The following FRAS1 variants were observed in gnomAD, a reference collection of about 807,000 sequenced individuals.
The protein encoded by FRAS1 is Fraser extracellular matrix complex subunit 1.
FRAS1 carries 290 observed loss-of-function variants against 435.2 expected under a neutral mutation model. The ratio of observed to expected loss-of-function variants is 0.67; its 90% CI spans 0.61 to 0.73. FRAS1 has a LOEUF of 0.73. Among genes scored for constraint, FRAS1 ranks in the 30% least tolerant of loss-of-function variants. The probability of loss-of-function intolerance (pLI) is 0.00; values close to 1 mark genes in which losing one functional copy is unlikely to be tolerated. For synonymous variants in FRAS1, 1,800 were observed against 1,851.0 expected, an observed-to-expected ratio of 0.97 and a Z score of 0.71; for missense variants, 4,860 against 5,001.5, an observed-to-expected ratio of 0.97 and a Z score of 0.85.
Position 78,337,734 on chromosome 4 carries a change from A to C in FRAS1, c.2339A>C (p.Tyr780Ser), listed in dbSNP as rs763371931. ...TTGGAGTCTGACTGCATCTCCTGTT[A>C]CCCTCACATCTCTCTTACCAATGGT... ...GPLESDCISCYPHISLTNGNC... is the reference protein window; with the variant it reads ...GPLESDCISCSPHISLTNGNC... Residue 780 changes from tyrosine to serine, a missense_variant, in exon 20 of 74, where the codon TAC becomes TCC. Coordinates refer to ENST00000512123, the MANE Select transcript of FRAS1 (RefSeq NM_025074.7). The C allele has an allele frequency of 1.5e-5, 25 of 1,613,658 alleles. No homozygotes were observed. In the East Asian group the frequency reaches 5.3e-4, roughly 35 times the overall value.
chr4:78,411,296 G>C (rs1733325492), intron 31 of FRAS1, among the ~76,000 whole-genome samples: 1 of 152,074 alleles, frequency 6.6e-6, no homozygotes, highest in Non-Finnish European at 1.5e-5. Context: ...ATTTTTAGTA[G>C]AGACAGGATT....
At chr4:78,144,122 G>A (rs1341830041) in intron 2 of FRAS1, among the ~76,000 whole-genome samples, 1 of 150,820 alleles carries the variant, frequency 6.6e-6, no homozygotes, top group Non-Finnish European at 1.5e-5. Context: ...TGACTAGAGG[G>A]ACATTTATAA....
intron 32 of FRAS1, among the ~76,000 whole-genome samples, chr4:78,417,017 C>A (rs984646868): frequency 6.6e-6 from 1 of 152,128 alleles, no homozygotes; most frequent in Non-Finnish European, 1.5e-5. Context: ...GTGTCTTTTG[C>A]AATGATTTCT....
intron 49 of FRAS1, 35 bp from the exon 50 acceptor site, chr4:78,466,173 C>A: frequency 6.3e-7 from 1 of 1,582,258 alleles, no homozygotes; most frequent in South Asian, 1.1e-5. Flanking sequence ...CTGTTATGAG[C>A]TTCCCTCCCC....
Position 78,522,710 on chromosome 4 carries a change from C to T in FRAS1, c.10710C>T (p.Asp3570=). 6.2e-7 allele frequency: 1 copy of T among 1,611,030 alleles called. No individual in the cohort carries two copies. Among genetic ancestry groups the T allele is most frequent in the African/African-American group, 1.3e-5 (1 of 74,950 alleles). The stretch of plus-strand genomic sequence containing the variant: ...TGAAATCTTTCGTATTGACTCCAGA[C>T]CACCTAGGAGGAATTGAATTTGACT... ...PEVKSFVLTP[D]HLGGIEFDLQ... is the part of the protein sequence containing the mutation. The change falls in exon 69 of 74, where the codon GAC becomes GAT. Residue 3570 remains aspartate, a synonymous_variant. Coordinates refer to ENST00000512123, the MANE Select transcript of FRAS1 (RefSeq NM_025074.7).
chr4:78,152,785 T>G (rs2110013617), intron 2 of FRAS1, among the ~76,000 whole-genome samples: 1 of 152,202 alleles, frequency 6.6e-6, no homozygotes, highest in South Asian at 2.1e-4. Flanking sequence ...TGGGAATAAA[T>G]AATTTGCTCC....
At chr4:78,535,555 C>T (rs1333668180) in intron 71 of FRAS1, among the ~76,000 whole-genome samples, 1 of 152,180 alleles carries the variant, frequency 6.6e-6, no homozygotes, top group Non-Finnish European at 1.5e-5. Flanking sequence ...CCAAAAATCT[C>T]AGGGTTATCC....
At chr4:78,424,659 A>G (rs1277861253) in intron 35 of FRAS1, among the ~76,000 whole-genome samples, 1 of 152,286 alleles carries the variant, frequency 6.6e-6, no homozygotes, top group Non-Finnish European at 1.5e-5. Context: ...TTAATGTTTA[A>G]GAGCCAGGCA....
At chr4:78,327,696 C>T (rs1729773765) in intron 18 of FRAS1, among the ~76,000 whole-genome samples, 1 of 152,212 alleles carries the variant, frequency 6.6e-6, no homozygotes. Context: ...CATAGAACTT[C>T]TTTCAGATAT....
At chr4:78,192,892 T>C (rs140543752) in intron 2 of FRAS1, among the ~76,000 whole-genome samples, 6,809 of 152,330 alleles carry the variant, frequency 0.045, 313 homozygotes, top group African/African-American at 0.11. Context: ...TCTTTCCTGC[T>C]TTCTCTTGTG....
chr4:78,471,664 C>CAATG (rs1216871314), intron 51 of FRAS1, among the ~76,000 whole-genome samples: 4 of 152,174 alleles, frequency 2.6e-5, no homozygotes, highest in Non-Finnish European at 5.9e-5. Flanking sequence ...CTAAATACTT[C>CAATG]AATGAATGAA....
intron 26 of FRAS1, among the ~76,000 whole-genome samples, chr4:78,376,682 C>T (rs1731777353): frequency 6.6e-6 from 1 of 152,044 alleles, no homozygotes; most frequent in Non-Finnish European, 1.5e-5. Flanking sequence ...CAGGCTACCC[C>T]GTTTGCCCTT....
At position 78,273,999 on chromosome 4, in the gene FRAS1, A is replaced by G. The variant is rs192278844; in HGVS notation, c.982-4656A>G. Among the ~76,000 whole-genome samples the G allele has an allele frequency of 2.2e-3, 342 of 152,182 alleles. 1 individual carries two copies. The highest frequency in any genetic ancestry group is 7.9e-3 in the African/African-American group (329 of 41,528). On this transcript the variant is annotated intron_variant, in intron 9 of 73. Transcript: ENST00000512123. ...TATTGCCTCCATTTCAGAACCCGTT[A>G]TTGTTCAATTCAGGGATTCAACTTC...
In FRAS1 at chr4:78,065,016, T is replaced by A. The variant is rs1739939124; in HGVS notation, c.77-969T>A. Among the ~76,000 whole-genome samples, 5 of 148,462 alleles carry A rather than the reference T, an allele frequency of 3.4e-5. No homozygotes were observed. The South Asian group carries it at 1.1e-3, about 31-fold the overall frequency. ...GTGCAGCTCAAAAATTGGTTGGGAA[T>A]GTGTCTATATTTTTTTTAAGTTAAG... On this transcript the variant is annotated intron_variant, in intron 1 of 73. Coordinates refer to ENST00000512123, the MANE Select transcript of FRAS1 (RefSeq NM_025074.7).
At chr4:78,462,483 A>G (rs557220590) in intron 47 of FRAS1, among the ~76,000 whole-genome samples, 4 of 152,314 alleles carry the variant, frequency 2.6e-5, no homozygotes, top group African/African-American at 9.6e-5. Context: ...AAAAAAATCA[A>G]TCTCAAGAGG....
intron 1 of FRAS1, among the ~76,000 whole-genome samples, chr4:78,064,170 C>G (rs1739884228): frequency 6.6e-6 from 1 of 150,618 alleles, no homozygotes; most frequent in South Asian, 2.1e-4. Context: ...GGTTTTATCT[C>G]AAGTTATTCT....
chr4:78,095,046 C>A (rs1051843557), intron 2 of FRAS1, among the ~76,000 whole-genome samples: 1 of 152,142 alleles, frequency 6.6e-6, no homozygotes, highest in Non-Finnish European at 1.5e-5. Flanking sequence ...AGGACTGGCC[C>A]CATCACTGGG....
At chr4:78,108,557 C>A (rs1181906074) in intron 2 of FRAS1, among the ~76,000 whole-genome samples, 1 of 103,004 alleles carries the variant, frequency 9.7e-6, no homozygotes. Context: ...CCAACGAGAA[C>A]AAAGACACCA....
At chr4:78,319,116 C>A in intron 18 of FRAS1, 130 bp downstream of exon 18, 1 of 911,006 alleles carries the variant, frequency 1.1e-6, no homozygotes, top group Non-Finnish European at 1.7e-6. Context: ...GTGAATAAAG[C>A]AGGAGACCAA....
Sources: gnomAD v4.1 joint callset for allele counts (sites outside exome capture counted in the v4.1 genomes callset) on GRCh38, gnomAD v4.1.1 for gene constraint, MANE v1.5 for transcripts, NCBI Gene and HGNC (gene_info 2026-07-23, HGNC 2026-07-21) for gene names.